FSIP1: variants seen among roughly 807,000 people sequenced by gnomAD.
The protein encoded by FSIP1 is fibrous sheath-interacting protein 1.
Under a neutral mutation model 60.9 loss-of-function variants are expected in FSIP1, and 65 were observed. The observed-to-expected ratio is 1.07, with a 90% CI of 0.87 to 1.31. The LOEUF (loss-of-function observed/expected upper bound fraction) is 1.31, where lower values mean the gene tolerates loss of function less well. Among genes scored for constraint, FSIP1 ranks in the 40% most tolerant of loss-of-function variants. The pLI, the probability that FSIP1 is intolerant of heterozygous loss-of-function variation, is 0.00. For missense variants in FSIP1, 675 were observed against 665.5 expected, an observed-to-expected ratio of 1.01 and a Z score of -0.16; for synonymous variants, 209 against 221.2, an observed-to-expected ratio of 0.94 and a Z score of 0.49.
chr15:39,759,807 G>A (rs1055641339), intron 5 of FSIP1, among the ~76,000 whole-genome samples: 53 of 152,158 alleles, frequency 3.5e-4, no homozygotes, highest in African/African-American at 1.3e-3. Flanking sequence ...CGTCTTTGCA[G>A]CACCTTTTCC....
At chr15:39,765,403 G>A (rs1165686826) in intron 4 of FSIP1, among the ~76,000 whole-genome samples, 189 bp downstream of exon 4, 1 of 151,856 alleles carries the variant, frequency 6.6e-6, no homozygotes, top group African/African-American at 2.4e-5. Flanking sequence ...ACCATGCCTG[G>A]CTAATTTTTT....
rs1449336099 is a variant in FSIP1, at chr15:39,618,166, A to T, written c.1268T>A (p.Ile423Asn). ...DECILKQKSI[I>N]KLSSERKKED... ...CTTTTTTCTTTCTGAAGAAAGTTTA[A>T]TGATGGATTTTTGTTTAAGTATGCA... Residue 423 changes from isoleucine to asparagine, a missense_variant, in exon 11 of 12, where the codon ATT becomes AAT. Physicochemically the swap from Ile to Asn is moderately radical, Grantham distance 149. Coordinates refer to ENST00000350221, the MANE Select transcript of FSIP1 (RefSeq NM_152597.5). The T allele has an allele frequency of 5.0e-6, 8 of 1,613,972 alleles. No individual in the cohort carries two copies. In the African/African-American group the frequency reaches 9.3e-5, roughly 19 times the overall value.
chr15:39,765,808 G>A (rs1009477978), intron 3 of FSIP1, 62 bp from the exon 4 acceptor site: 8 of 923,022 alleles, frequency 8.7e-6, no homozygotes, highest in African/African-American at 8.5e-5. Flanking sequence ...GTTTTGTTTT[G>A]TTCTTACAAT....
At position 39,765,577 on chromosome 15, in the gene FSIP1, T is replaced by C. The variant is rs1400148503; in HGVS notation, c.465+15A>G. 6 of 1,562,386 alleles carry C rather than the reference T, an allele frequency of 3.8e-6. No homozygotes were observed. The Admixed American group carries it at 6.0e-5, about 16-fold the overall frequency. On this transcript the variant is annotated intron_variant, in intron 4 of 11. Coordinates refer to ENST00000350221, the MANE Select transcript of FSIP1 (RefSeq NM_152597.5). ...TTATTTCTTACATGTCAGCATAAGG[T>C]TAGATAATTCTTACCTTAATTTCTT... is the stretch of plus-strand genomic sequence containing the variant.
At chr15:39,616,686 T>C (rs372255933) in intron 11 of FSIP1, among the ~76,000 whole-genome samples, 10 of 152,214 alleles carry the variant, frequency 6.6e-5, no homozygotes, top group African/African-American at 2.2e-4. Context: ...ATGGAGACAC[T>C]GAACAAGTTA....
In FSIP1 at chr15:39,780,426, A is replaced by G. The variant is rs566409252; in HGVS notation, c.-8+2202T>C. 1.1e-3 allele frequency among the ~76,000 whole-genome samples: 175 copies of G among 152,264 alleles called. 2 individuals carry two copies. The highest frequency in any genetic ancestry group is 5.4e-3 in the South Asian group (26 of 4,828). Reference sequence around the variant, plus strand: ...TGTAGTCCCAGCTACTCGGGAGGCTAAGGCAGGAGAATGGCCTGAACCCGG... The same window carrying G: ...TGTAGTCCCAGCTACTCGGGAGGCTGAGGCAGGAGAATGGCCTGAACCCGG... On this transcript the variant is annotated intron_variant, in intron 1 of 11. Coordinates refer to ENST00000350221, the MANE Select transcript of FSIP1 (RefSeq NM_152597.5).
intron 9 of FSIP1, among the ~76,000 whole-genome samples, chr15:39,720,413 A>C (rs1450894154): frequency 6.6e-6 from 1 of 152,190 alleles, no homozygotes; most frequent in African/African-American, 2.4e-5. Context: ...ATTAAGGAGG[A>C]CCTTTATATT....
chr15:39,723,911 T>A (rs1358806168), intron 9 of FSIP1, among the ~76,000 whole-genome samples: 1 of 152,226 alleles, frequency 6.6e-6, no homozygotes, highest in Non-Finnish European at 1.5e-5. Context: ...AAATTCAATG[T>A]GTAATGCTGG....
chr15:39,721,973 A>AC (rs1188213737), intron 9 of FSIP1, among the ~76,000 whole-genome samples: 1 of 151,060 alleles, frequency 6.6e-6, no homozygotes, highest in African/African-American at 2.4e-5. Context: ...GGGGCTCCTG[A>AC]CCCCCCAGGC....
chr15:39,759,207 A>T (rs1356672825), intron 5 of FSIP1, among the ~76,000 whole-genome samples: 1 of 152,106 alleles, frequency 6.6e-6, no homozygotes, highest in Non-Finnish European at 1.5e-5. Flanking sequence ...AAAAAGTTAG[A>T]AAAATGCTTA....
At chr15:39,616,260 T>G (rs989449822) in intron 11 of FSIP1, among the ~76,000 whole-genome samples, 9 of 152,248 alleles carry the variant, frequency 5.9e-5, no homozygotes, top group East Asian at 5.8e-4. Context: ...AAACTGGTTA[T>G]ACATTTAAAT....
chr15:39,708,179 G>A (rs1895356025), intron 10 of FSIP1, among the ~76,000 whole-genome samples: 1 of 152,128 alleles, frequency 6.6e-6, no homozygotes, highest in South Asian at 2.1e-4. Context: ...AATACCATGG[G>A]AACCAACTAG....
chr15:39,707,963 CTT>C (rs1381718128), intron 10 of FSIP1, among the ~76,000 whole-genome samples: 2 of 152,250 alleles, frequency 1.3e-5, no homozygotes, highest in African/African-American at 4.8e-5. Flanking sequence ...AAACTACTCT[CTT>C]GTTTGTCTGG....
At chr15:39,616,616 C>G (rs892509313) in intron 11 of FSIP1, among the ~76,000 whole-genome samples, 1 of 152,158 alleles carries the variant, frequency 6.6e-6, no homozygotes, top group South Asian at 2.1e-4. Context: ...TAGCTACACA[C>G]TGAATAACAT....
chr15:39,694,923 T>C (rs751870385), intron 10 of FSIP1, among the ~76,000 whole-genome samples: 5 of 152,204 alleles, frequency 3.3e-5, no homozygotes, highest in African/African-American at 4.8e-5. Context: ...AGGTACAATA[T>C]AGAAAGGTCA....
At chr15:39,635,762 G>C (rs1892108796) in intron 10 of FSIP1, among the ~76,000 whole-genome samples, 1 of 152,128 alleles carries the variant, frequency 6.6e-6, no homozygotes, top group South Asian at 2.1e-4. Flanking sequence ...CCATCCTGCT[G>C]CCTATTATGG....
chr15:39,702,902 A>T (rs1895116130), intron 10 of FSIP1, among the ~76,000 whole-genome samples: 1 of 151,856 alleles, frequency 6.6e-6, no homozygotes, highest in Non-Finnish European at 1.5e-5. Flanking sequence ...CGTATTACCT[A>T]TTTCTAGAGC....
chr15:39,627,756 A>T (rs905773819), intron 10 of FSIP1, among the ~76,000 whole-genome samples: 2 of 152,216 alleles, frequency 1.3e-5, no homozygotes, highest in African/African-American at 4.8e-5. Context: ...TACAGCTCTT[A>T]TATTTACTCT....
Position 39,617,881 on chromosome 15 carries a change from G to A in FSIP1, c.1553C>T (p.Thr518Ile), listed in dbSNP as rs1247196064. The change falls in exon 11 of 12, where the codon ACA becomes ATA. Residue 518 changes from threonine to isoleucine, a missense_variant. Transcript: ENST00000350221. ...AGTCTTCGACATAAAATAGTCTTTT[G>A]TGTCACTAATAATAACGTCCTTGGA... ...QFSKDVIISD[T>I]KDYFMSKTLG... 1 of 1,614,086 alleles carries A rather than the reference G, an allele frequency of 6.2e-7. No individual in the cohort carries two copies. Among genetic ancestry groups the A allele is most frequent in the African/African-American group, 1.3e-5 (1 of 75,032 alleles).
Sources: allele counts gnomAD v4.1 joint callset (sites outside exome capture counted in the v4.1 genomes callset), GRCh38; gene constraint gnomAD v4.1.1; transcripts MANE v1.5; gene names NCBI Gene and HGNC (gene_info 2026-07-23, HGNC 2026-07-21).